The following MACROD2 variants were observed in gnomAD, a reference collection of about 807,000 sequenced individuals.
MACROD2 encodes ADP-ribose glycohydrolase MACROD2.
Under a neutral mutation model 70.4 loss-of-function variants are expected in MACROD2, and 36 were observed. That is an observed-to-expected ratio of 0.51 (90% CI 0.39 to 0.68). The LOEUF (loss-of-function observed/expected upper bound fraction) is 0.68. MACROD2 is among the 30% of genes least tolerant of loss of function. The pLI is 0.00. For synonymous variants in MACROD2, 172 were observed against 178.8 expected, an observed-to-expected ratio of 0.96 and a Z score of 0.30; for missense variants, 496 against 538.4, an observed-to-expected ratio of 0.92 and a Z score of 0.78.
At chr20:14,080,170 A>G (rs1601196984) in intron 2 of MACROD2, among the ~76,000 whole-genome samples, 2 of 152,248 alleles carry the variant, frequency 1.3e-5, no homozygotes, top group South Asian at 4.1e-4. Flanking sequence ...AAGGTCAGGC[A>G]CGGTGGCTCA....
chr20:14,799,806 G>T (rs1465348330), intron 5 of MACROD2, among the ~76,000 whole-genome samples: 6 of 151,992 alleles, frequency 3.9e-5, no homozygotes, highest in Non-Finnish European at 5.9e-5. Context: ...CCTGTTTGTT[G>T]ATATATTTGC....
At chr20:15,832,361 G>A (rs1466119097) in intron 8 of MACROD2, among the ~76,000 whole-genome samples, 1 of 152,102 alleles carries the variant, frequency 6.6e-6, no homozygotes, top group Non-Finnish European at 1.5e-5. Flanking sequence ...ACAGCCAAGT[G>A]GGAGACAGTG....
chr20:14,838,857 C>G (rs2073057917), intron 5 of MACROD2, among the ~76,000 whole-genome samples: 1 of 152,058 alleles, frequency 6.6e-6, no homozygotes, highest in African/African-American at 2.4e-5. Flanking sequence ...TTTGCCACCT[C>G]CCCTTCACTC....
intron 3 of MACROD2, chr20:14,327,242 A>G (rs759157336): frequency 6.8e-6 from 11 of 1,613,712 alleles, no homozygotes; most frequent in East Asian, 2.2e-5. Flanking sequence ...TGGTATAGGT[A>G]TATTCTTTCT....
At chr20:14,591,498 C>T (rs1347340224) in intron 4 of MACROD2, among the ~76,000 whole-genome samples, 2 of 152,148 alleles carry the variant, frequency 1.3e-5, no homozygotes, top group African/African-American at 4.8e-5. Flanking sequence ...GTTTTAAAAG[C>T]GATTTCAGCT....
intron 4 of MACROD2, among the ~76,000 whole-genome samples, chr20:14,501,047 A>C (rs894412378): frequency 7.9e-5 from 12 of 151,944 alleles, no homozygotes; most frequent in African/African-American, 1.9e-4. Flanking sequence ...AAAAAAAAAA[A>C]CAAAAACCCA....
In MACROD2 at chr20:15,616,098, C is replaced by CTTT. The variant is rs34011264; in HGVS notation, c.645+116271_645+116273dup. Among the ~76,000 whole-genome samples the CTTT allele has an allele frequency of 1.3e-3, 144 of 111,184 alleles. 1 individual carries two copies. Among genetic ancestry groups the CTTT allele is most frequent in the Non-Finnish European group, 1.5e-3 (85 of 55,962 alleles). 72.9% of individuals were successfully genotyped at this position (111,184 alleles called of 152,430 possible). On this transcript the variant is annotated intron_variant, in intron 8 of 17. Transcript: ENST00000684519. Reference sequence around the variant, plus strand: ...TCTCTCACTCCATCAGTTCCCCATTCTTTTTTTTTTTTTTTTTTTTTTGAG... The same window carrying CTTT: ...TCTCTCACTCCATCAGTTCCCCATTCTTTTTTTTTTTTTTTTTTTTTTTTTGAG...
intron 8 of MACROD2, among the ~76,000 whole-genome samples, chr20:15,779,339 T>C (rs1299804221): frequency 6.6e-6 from 1 of 152,152 alleles, no homozygotes; most frequent in Non-Finnish European, 1.5e-5. Context: ...TATGCTTCAG[T>C]CCTAATAATG....
intron 5 of MACROD2, among the ~76,000 whole-genome samples, chr20:14,928,128 C>T (rs1033235960): frequency 6.6e-6 from 1 of 152,216 alleles, no homozygotes. Context: ...CACATTCATG[C>T]ATCTTCTTGT....
chr20:14,301,734 C>T (rs1316861573), intron 3 of MACROD2, among the ~76,000 whole-genome samples: 1 of 152,122 alleles, frequency 6.6e-6, no homozygotes, highest in African/African-American at 2.4e-5. Flanking sequence ...TAAAGCATTA[C>T]ATTTTTTTTA....
chr20:14,767,220 A>G (rs1839267187), intron 5 of MACROD2, among the ~76,000 whole-genome samples: 1 of 152,140 alleles, frequency 6.6e-6, no homozygotes, highest in South Asian at 2.1e-4. Flanking sequence ...AAAAGAAATA[A>G]ACACTTCATT....
intron 6 of MACROD2, among the ~76,000 whole-genome samples, chr20:15,416,435 A>T (rs2046150180): frequency 6.6e-6 from 1 of 152,208 alleles, no homozygotes; most frequent in South Asian, 2.1e-4. Flanking sequence ...GGAAAGAAGA[A>T]TTTATTACCT....
intron 3 of MACROD2, among the ~76,000 whole-genome samples, chr20:14,136,398 T>C (rs2054798602): frequency 6.6e-6 from 1 of 152,162 alleles, no homozygotes; most frequent in Non-Finnish European, 1.5e-5. Flanking sequence ...AATTCCAGAC[T>C]TGCACTTGAA....
At chr20:14,508,667 A>C (rs1230703762) in intron 4 of MACROD2, among the ~76,000 whole-genome samples, 1 of 152,154 alleles carries the variant, frequency 6.6e-6, no homozygotes, top group Non-Finnish European at 1.5e-5. Context: ...GTGGACAAAA[A>C]TCCTTGCTCT....
chr20:14,372,011 T>A (rs1302881462), intron 3 of MACROD2, among the ~76,000 whole-genome samples: 1 of 152,108 alleles, frequency 6.6e-6, no homozygotes, highest in African/African-American at 2.4e-5. Flanking sequence ...GACTTCTTTG[T>A]GATTATTTGA....
chr20:14,131,314 T>A (rs1339473040), intron 3 of MACROD2, among the ~76,000 whole-genome samples: 2 of 152,152 alleles, frequency 1.3e-5, no homozygotes, highest in Non-Finnish European at 2.9e-5. Context: ...AATTTTTTTT[T>A]ATTTCTCTTA....
chr20:15,502,102 G>C (rs554721628), intron 8 of MACROD2, among the ~76,000 whole-genome samples: 143 of 152,240 alleles, frequency 9.4e-4, no homozygotes, highest in African/African-American at 3.4e-3. Flanking sequence ...AATTATGTTT[G>C]CTTAACATAA....
intron 5 of MACROD2, among the ~76,000 whole-genome samples, chr20:15,019,172 C>T (rs924481765): frequency 3.8e-4 from 57 of 151,940 alleles, no homozygotes; most frequent in African/African-American, 1.2e-3. Flanking sequence ...CACGCGCGCG[C>T]GCGCGCGGAG....
chr20:14,019,137 C>T (rs1294392864), intron 2 of MACROD2, among the ~76,000 whole-genome samples: 2 of 152,170 alleles, frequency 1.3e-5, no homozygotes, highest in Non-Finnish European at 2.9e-5. Flanking sequence ...TTCCTGTTGC[C>T]TGCTGCCCAG....
Sources: allele counts gnomAD v4.1 joint callset (sites outside exome capture counted in the v4.1 genomes callset), GRCh38; gene constraint gnomAD v4.1.1; transcripts MANE v1.5; gene names NCBI Gene and HGNC (gene_info 2026-07-23, HGNC 2026-07-21).